The following KIAA0319L variants were observed in gnomAD, a reference collection of about 807,000 sequenced individuals.
KIAA0319L encodes the protein dyslexia-associated protein KIAA0319-like protein.
Under a neutral mutation model 120.1 loss-of-function variants are expected in KIAA0319L, and 55 were observed. The observed-to-expected ratio is 0.46, with a 90% CI of 0.37 to 0.57. The LOEUF is 0.57. Ranked by LOEUF, KIAA0319L falls within the 20% of genes least tolerant of loss-of-function variation. The pLI, the probability that KIAA0319L is intolerant of heterozygous loss-of-function variation, is 0.00. For synonymous variants in KIAA0319L, 398 were observed against 471.9 expected, an observed-to-expected ratio of 0.84 and a Z score of 2.03; for missense variants, 1,049 against 1,255.3, an observed-to-expected ratio of 0.84 and a Z score of 2.48.
intron 2 of KIAA0319L, among the ~76,000 whole-genome samples, chr1:35,532,396 T>G (rs1275601492): frequency 6.6e-6 from 1 of 152,218 alleles, no homozygotes; most frequent in African/African-American, 2.4e-5. Context: ...ACAGTTCTTT[T>G]TCATCCATTC....
At chr1:35,543,615 C>A (rs553197531) in intron 2 of KIAA0319L, among the ~76,000 whole-genome samples, 2 of 152,324 alleles carry the variant, frequency 1.3e-5, no homozygotes, top group East Asian at 3.9e-4. Context: ...GAGGCTACAG[C>A]CCTCAAAGTA....
rs868733844 is a variant in KIAA0319L, at chr1:35,474,832, C to T, written c.988G>A (p.Ala330Thr). 1 of 1,606,756 alleles carries T rather than the reference C, an allele frequency of 6.2e-7. No homozygotes were observed. Among genetic ancestry groups the T allele is most frequent in the African/African-American group, 1.3e-5 (1 of 74,730 alleles). ...TLPKNEVQLN[A>T]YVLQEPPKGE... is the part of the protein sequence containing the mutation. ...TTAGGTGGTTCTTGGAGAACATATG[C>T]ATTTAATTGAACTTCATTCTTAGGC... The change falls in exon 5 of 21, where the codon GCA becomes ACA. Residue 330 changes from alanine (A) to threonine (T), a missense_variant. By Grantham distance (58) the Ala-to-Thr change is moderately conservative. Coordinates refer to ENST00000325722, the MANE Select transcript of KIAA0319L (RefSeq NM_024874.5).
chr1:35,506,925 G>A lies in KIAA0319L; in HGVS notation c.353C>T (p.Ala118Val). 1.2e-6 allele frequency: 2 copies of A among 1,614,116 alleles called. No homozygotes were observed. The highest frequency in any genetic ancestry group is 1.7e-6 in the Non-Finnish European group (2 of 1,180,000). The change falls in exon 3 of 21, where the codon GCT becomes GTT. Residue 118 changes from alanine (A) to valine (V), a missense_variant. By Grantham distance (64) the Ala-to-Val change is moderately conservative (BLOSUM62 0). Transcript: ENST00000325722. The surrounding 1 kb of genome is among the most constrained non-coding windows in gnomAD (Gnocchi z 4.0). Reference sequence around the variant, plus strand: ...GGAATTGGAGGAGTGTGTCCTAAAAGCCCGGCAGCTCTGGGGCCTGCTGCA... The same window carrying A: ...GGAATTGGAGGAGTGTGTCCTAAAAACCCGGCAGCTCTGGGGCCTGCTGCA... ...ADCSRPQSCR[A>V]FRTHSSNSML...
At chr1:35,546,260 T>C (rs918629759) in intron 2 of KIAA0319L, among the ~76,000 whole-genome samples, 1 of 152,158 alleles carries the variant, frequency 6.6e-6, no homozygotes, top group Non-Finnish European at 1.5e-5. Flanking sequence ...AAGAAAGTGC[T>C]GTGCATTGGC....
At chr1:35,449,789 G>C (rs1641914361) in intron 15 of KIAA0319L, 78 bp downstream of exon 15, 2 of 1,518,484 alleles carry the variant, frequency 1.3e-6, no homozygotes, top group Non-Finnish European at 1.8e-6. Flanking sequence ...TCCATGCTCG[G>C]GGAAGGGGAT....
At chr1:35,443,596 C>CG (rs553846424) in intron 17 of KIAA0319L, among the ~76,000 whole-genome samples, 14 of 151,788 alleles carry the variant, frequency 9.2e-5, no homozygotes, top group East Asian at 7.7e-4. Context: ...CACTTGAACC[C>CG]GGGGGGGCGG....
chr1:35,486,123 G>A (rs544984766), intron 3 of KIAA0319L, among the ~76,000 whole-genome samples: 1 of 152,268 alleles, frequency 6.6e-6, no homozygotes, highest in South Asian at 2.1e-4. Flanking sequence ...GGGGTGTGGT[G>A]GCTCAAGCCA....
At chr1:35,488,927 G>C (rs1644486401) in intron 3 of KIAA0319L, among the ~76,000 whole-genome samples, 2 of 152,196 alleles carry the variant, frequency 1.3e-5, no homozygotes, top group South Asian at 4.1e-4. Flanking sequence ...AGCAAGTGCA[G>C]ACTACCTTTG....
chr1:35,523,014 T>TAA (rs58518920), intron 2 of KIAA0319L, among the ~76,000 whole-genome samples: 872 of 62,474 alleles, frequency 0.014, 17 homozygotes, highest in African/African-American at 0.037. Flanking sequence ...AAACTCCACA[T>TAA]AAAAAAAAAA....
intron 16 of KIAA0319L, 101 bp from the exon 17 acceptor site, chr1:35,444,404 T>C (rs1427597343): frequency 8.7e-7 from 1 of 1,154,798 alleles, no homozygotes; most frequent in Non-Finnish European, 1.2e-6. Flanking sequence ...GACACTGTGC[T>C]AAGTGTTACA....
chr1:35,442,160 T>A (rs1286361370), intron 19 of KIAA0319L, 86 bp downstream of exon 19: 2 of 1,001,034 alleles, frequency 2.0e-6, no homozygotes, highest in East Asian at 2.4e-5. Context: ...GCCCAGTCCT[T>A]CCACGTGGAA....
intron 2 of KIAA0319L, 43 bp downstream of exon 2, chr1:35,554,307 T>C (rs1452798654): frequency 6.8e-7 from 1 of 1,476,308 alleles, no homozygotes; most frequent in Non-Finnish European, 9.0e-7. Context: ...TAAAATGCCC[T>C]TTTCTAAAAA....
At chr1:35,489,229 A>C (rs760829172) in intron 3 of KIAA0319L, among the ~76,000 whole-genome samples, 13 of 152,168 alleles carry the variant, frequency 8.5e-5, no homozygotes, top group Non-Finnish European at 1.3e-4. Flanking sequence ...AAAACAAAAA[A>C]AAACATGGTG....
intron 20 of KIAA0319L, 150 bp from the exon 21 acceptor site, chr1:35,435,231 C>T: frequency 1.5e-6 from 1 of 683,688 alleles, no homozygotes; most frequent in Non-Finnish European, 2.5e-6. Flanking sequence ...GGAAGCTTCC[C>T]TAGTCCTTCT....
At chr1:35,540,416 ACCC>A (rs1646743889) in intron 2 of KIAA0319L, among the ~76,000 whole-genome samples, 1 of 152,222 alleles carries the variant, frequency 6.6e-6, no homozygotes, top group Admixed American at 6.5e-5. Flanking sequence ...GGGCAGGAGC[ACCC>A]TAATGCAGAA....
chr1:35,434,477 G>A lies in KIAA0319L; in HGVS notation c.*417C>T, dbSNP rs1447968331. On this transcript the variant is annotated 3_prime_UTR_variant, in exon 21 of 21. Transcript: ENST00000325722. ...GCGAGAGGGCGTACTCTACCCCAGAGAGGGAAACACCATGCCCACAGTGCT... is the reference window on the plus strand; with the variant it reads ...GCGAGAGGGCGTACTCTACCCCAGAAAGGGAAACACCATGCCCACAGTGCT... The A allele has an allele frequency of 6.2e-6, 1 of 161,460 alleles. No homozygotes were observed. Among genetic ancestry groups the A allele is most frequent in the Non-Finnish European group, 1.3e-5 (1 of 74,884 alleles). 10.0% of individuals were successfully genotyped at this position (161,460 alleles called of 1,614,324 possible). A position where few individuals can be genotyped will look rare whatever the true frequency, so the allele number is the denominator to read the frequency against.
At chr1:35,555,992 G>C (rs143780264) in intron 1 of KIAA0319L, among the ~76,000 whole-genome samples, 4 of 152,182 alleles carry the variant, frequency 2.6e-5, no homozygotes, top group Admixed American at 2.0e-4. Flanking sequence ...ACCTATAATT[G>C]CCTAAGGGCA....
At chr1:35,500,001 T>C (rs193109867) in intron 3 of KIAA0319L, among the ~76,000 whole-genome samples, 1 of 152,268 alleles carries the variant, frequency 6.6e-6, no homozygotes, top group Non-Finnish European at 1.5e-5. Flanking sequence ...GCTATCTGGG[T>C]GCTTGGCTCA....
rs141019021 is a variant in KIAA0319L, at chr1:35,502,918, T to C, written c.666+3694A>G. 2.4e-3 allele frequency among the ~76,000 whole-genome samples: 365 copies of C among 152,324 alleles called. 2 individuals are homozygous for C. Among genetic ancestry groups the C allele is most frequent in the African/African-American group, 7.8e-3 (324 of 41,558 alleles). The stretch of plus-strand genomic sequence containing the variant: ...CTTGGATGAATCAAATTATCAGGCT[T>C]TTCTTGACAGAGTTGCTGAGAGCTA... On this transcript the variant is annotated intron_variant, in intron 3 of 20. Coordinates refer to ENST00000325722, the MANE Select transcript of KIAA0319L (RefSeq NM_024874.5).
Sources: allele counts gnomAD v4.1 joint callset (sites outside exome capture counted in the v4.1 genomes callset), GRCh38; gene constraint gnomAD v4.1.1; non-coding constraint Gnocchi (gnomAD v3.1); transcripts MANE v1.5; gene names NCBI Gene and HGNC (gene_info 2026-07-23, HGNC 2026-07-21).